Variants in RCBTB2 observed in about 807,000 individuals in gnomAD.
RCBTB2 encodes RCC1 and BTB domain-containing protein 2.
In RCBTB2, 55 loss-of-function variants were observed where a neutral mutation model predicts 65.4. The observed-to-expected ratio is 0.84, with a 90% CI of 0.68 to 1.05. The LOEUF (loss-of-function observed/expected upper bound fraction) is 1.05, where lower values mean the gene tolerates loss of function less well. RCBTB2 is among the 50% of genes least tolerant of loss of function. The pLI, the probability that RCBTB2 is intolerant of heterozygous loss-of-function variation, is 0.00. For missense variants in RCBTB2, 599 were observed against 680.1 expected (o/e 0.88, Z 1.33); for synonymous variants, 220 against 255.2 (o/e 0.86, Z 1.31).
intron 1 of RCBTB2, 122 bp downstream of exon 1, chr13:48,532,906 C>G (rs946686833): frequency 2.5e-5 from 11 of 444,856 alleles, no homozygotes; most frequent in African/African-American, 2.0e-4. Context: ...TCAGCTGTCT[C>G]TGGCGGGGAG....
At chr13:48,500,118 T>C (rs766024783) in intron 12 of RCBTB2, among the ~76,000 whole-genome samples, 1 of 152,218 alleles carries the variant, frequency 6.6e-6, no homozygotes, top group Non-Finnish European at 1.5e-5. Context: ...TTGAATGATG[T>C]CCTCTAAAAA....
At chr13:48,500,578 G>A (rs1345528662) in intron 12 of RCBTB2, among the ~76,000 whole-genome samples, 1 of 152,050 alleles carries the variant, frequency 6.6e-6, no homozygotes, top group South Asian at 2.1e-4. Flanking sequence ...TAAGGTGGGG[G>A]GAAATTTGGA....
At chr13:48,515,387 T>C in intron 5 of RCBTB2, 32 bp from the exon 6 acceptor site, 1 of 1,595,494 alleles carries the variant, frequency 6.3e-7, no homozygotes, top group Non-Finnish European at 8.5e-7. Flanking sequence ...GTTCAAGCAG[T>C]TCTATTTCTA....
At chr13:48,531,731 G>A (rs919489528) in intron 1 of RCBTB2, among the ~76,000 whole-genome samples, 1 of 152,184 alleles carries the variant, frequency 6.6e-6, no homozygotes, top group African/African-American at 2.4e-5. Flanking sequence ...AAGAGATTAC[G>A]TTTCACCTAG....
At chr13:48,493,973 G>A (rs1228960821) in intron 14 of RCBTB2, among the ~76,000 whole-genome samples, 4 of 152,148 alleles carry the variant, frequency 2.6e-5, no homozygotes. Context: ...AAATACTCCT[G>A]ATTTCAAAAT....
At chr13:48,522,656 G>A (rs985241925) in intron 2 of RCBTB2, among the ~76,000 whole-genome samples, 1 of 152,088 alleles carries the variant, frequency 6.6e-6, no homozygotes, top group African/African-American at 2.4e-5. Context: ...TGTAGTTAAC[G>A]ATTTCATCAT....
chr13:48,519,546 T>C (rs922941391), intron 4 of RCBTB2, among the ~76,000 whole-genome samples: 1 of 152,180 alleles, frequency 6.6e-6, no homozygotes, highest in African/African-American at 2.4e-5. Flanking sequence ...GGGATTCCAA[T>C]GCGTGTGTTT....
chr13:48,502,982 G>T (rs145474851), intron 10 of RCBTB2, 68 bp from the exon 11 acceptor site: 4 of 1,425,628 alleles, frequency 2.8e-6, no homozygotes, highest in Admixed American at 2.6e-5. Flanking sequence ...TCCTCCTCCC[G>T]CCAGGTTTAA....
In RCBTB2 at chr13:48,512,808, G is replaced by C; in HGVS notation, c.437C>G (p.Ser146Cys). ...TNHGLVPCHI[S>C]TNLSNKQVIE... The stretch of plus-strand genomic sequence containing the variant: ...GACTTGTTTGTTTGACAGATTAGTA[G>C]AGATATGACAGGGCACTAAACCATG... Residue 146 changes from serine (S) to cysteine (C), a missense_variant, in exon 7 of 15, where the codon TCT becomes TGT. Coordinates refer to ENST00000344532, the MANE Select transcript of RCBTB2 (RefSeq NM_001268.4). 6.2e-7 allele frequency: 1 copy of C among 1,613,854 alleles called. No homozygotes were observed. Among genetic ancestry groups the C allele is most frequent in the Non-Finnish European group, 8.5e-7 (1 of 1,179,758 alleles).
intron 4 of RCBTB2, among the ~76,000 whole-genome samples, chr13:48,518,747 G>GA (rs1186637917): frequency 1.3e-5 from 2 of 151,874 alleles, no homozygotes; most frequent in African/African-American, 4.8e-5. Flanking sequence ...TTGGTTTACT[G>GA]AAAAAAGAGC....
chr13:48,509,789 C>T (rs1372884151), intron 10 of RCBTB2, among the ~76,000 whole-genome samples: 1 of 152,080 alleles, frequency 6.6e-6, no homozygotes, highest in Non-Finnish European at 1.5e-5. Context: ...TTAAGTATTC[C>T]AGCAGAAAAT....
At chr13:48,496,044 T>C in intron 14 of RCBTB2, 147 bp downstream of exon 14, 1 of 603,424 alleles carries the variant, frequency 1.7e-6, no homozygotes, top group Non-Finnish European at 2.4e-6. Flanking sequence ...TACTTGCTTA[T>C]ACGTTGTCTA....
At chr13:48,530,337 C>T (rs958759020) in intron 1 of RCBTB2, among the ~76,000 whole-genome samples, 1 of 152,178 alleles carries the variant, frequency 6.6e-6, no homozygotes, top group African/African-American at 2.4e-5. Context: ...CCATGGACTC[C>T]TTACATTTAT....
chr13:48,520,696 A>ATAGT, intron 4 of RCBTB2, among the ~76,000 whole-genome samples: 1 of 152,346 alleles, frequency 6.6e-6, no homozygotes, highest in Middle Eastern at 3.4e-3. Flanking sequence ...TGATACCTGT[A>ATAGT]TAACTATGCT....
chr13:48,527,547 C>A, intron 1 of RCBTB2, among the ~76,000 whole-genome samples: 2 of 151,976 alleles, frequency 1.3e-5, no homozygotes, highest in East Asian at 1.9e-4. Flanking sequence ...AACCTCTCCA[C>A]GCAGAAGTTC....
At chr13:48,506,928 C>G (rs9332022) in intron 10 of RCBTB2, among the ~76,000 whole-genome samples, 3,927 of 152,294 alleles carry the variant, frequency 0.026, 181 homozygotes, top group African/African-American at 0.089. Flanking sequence ...ACTGATCTGC[C>G]CAACATCAGA....
chr13:48,520,547 C>G (rs1951362682), intron 4 of RCBTB2, among the ~76,000 whole-genome samples: 1 of 152,200 alleles, frequency 6.6e-6, no homozygotes, highest in South Asian at 2.1e-4. Flanking sequence ...TCCACCTCCC[C>G]TTCCTTCAAG....
intron 10 of RCBTB2, chr13:48,504,299 T>TC: frequency 2.0e-6 from 2 of 985,420 alleles, no homozygotes; most frequent in Non-Finnish European, 2.4e-6. Flanking sequence ...GTGGCTTCTC[T>TC]CAGATAAAAT....
chr13:48,490,808 T>C (rs1317363615), intron 14 of RCBTB2, among the ~76,000 whole-genome samples: 2 of 152,200 alleles, frequency 1.3e-5, no homozygotes, highest in African/African-American at 4.8e-5. Context: ...TACATATGCC[T>C]TCAATAATCT....
Sources: allele counts gnomAD v4.1 joint callset (sites outside exome capture counted in the v4.1 genomes callset), GRCh38; gene constraint gnomAD v4.1.1; transcripts MANE v1.5; gene names NCBI Gene and HGNC (gene_info 2026-07-23, HGNC 2026-07-21).